PDE4DIP: variants seen among roughly 807,000 people sequenced by gnomAD.
PDE4DIP encodes the protein phosphodiesterase 4D interacting protein, also known as myomegalin.
In PDE4DIP, 59 loss-of-function variants were observed where a neutral mutation model predicts 221.4. The ratio of observed to expected loss-of-function variants is 0.27; its 90% confidence interval spans 0.22 to 0.33. The LOEUF is 0.33. PDE4DIP is among the 10% of genes least tolerant of loss of function. PDE4DIP has a pLI of 1.00. For synonymous variants in PDE4DIP, 404 were observed against 815.9 expected (o/e 0.50, Z 8.60); for missense variants, 1,036 against 2,154.2 (o/e 0.48, Z 10.28).
chr1:149,001,715 G>T, exon 24 of PDE4DIP: 1 of 1,507,020 alleles, frequency 6.6e-7, no homozygotes, highest in Non-Finnish European at 9.2e-7. Context: ...TGAGACTGTG[G>T]TAACCAAAGA....
exon 32 of PDE4DIP, chr1:149,012,753 T>A (rs1553606680): frequency 6.2e-7 from 1 of 1,609,666 alleles, no homozygotes; most frequent in African/African-American, 1.3e-5. Context: ...GAGCTACAGA[T>A]GCTGCAGAAG....
chr1:149,001,665 G>A lies in PDE4DIP; in HGVS notation c.3212G>A (p.Trp1071Ter). Reference sequence around the variant, plus strand: ...ATGGGAGAAGCAATGTCTGATGGATGGGAGATCGAGGAAGACAAGGAGAAG... The same window carrying A: ...ATGGGAGAAGCAATGTCTGATGGATAGGAGATCGAGGAAGACAAGGAGAAG... The change falls in exon 24 of 44, where the codon TGG becomes TAG. Residue 1071 changes from tryptophan (W) to a stop codon, truncating the protein, a stop_gained. Coordinates refer to ENST00000369354, the Ensembl canonical transcript of PDE4DIP. LOFTEE classifies it high-confidence loss of function. 2 of 1,613,658 alleles carry A rather than the reference G, an allele frequency of 1.2e-6. No individual in the cohort carries two copies. The highest frequency in any genetic ancestry group is 2.2e-5 in the East Asian group (1 of 44,860).
chr1:149,032,120 A>G, exon 44 of PDE4DIP: 1 of 1,558,394 alleles, frequency 6.4e-7, no homozygotes, highest in Admixed American at 1.8e-5. Flanking sequence ...CTCCAAGTCC[A>G]CGGGAGGGTC....
Position 148,978,429 on chromosome 1 carries a change from A to C in PDE4DIP, c.2574+14A>C. On this transcript the variant is annotated intron_variant, in intron 19 of 43. Coordinates refer to ENST00000369354, the Ensembl canonical transcript of PDE4DIP. ...CGAAGACAACAGGTAAGTTACTGGA[A>C]TATAAACCTTATTTATTTATTTACA... is the stretch of plus-strand genomic sequence containing the variant. The C allele has an allele frequency of 2.6e-6, 4 of 1,512,186 alleles. No homozygotes were observed. Among genetic ancestry groups the C allele is most frequent in the Non-Finnish European group, 3.6e-6 (4 of 1,116,652 alleles). The allele number at this position is 1,512,186 out of a possible 1,614,324, so 93.7% of individuals were successfully genotyped here.
intron 8 of PDE4DIP, 25 bp downstream of exon 11, chr1:148,962,313 G>A: frequency 6.5e-7 from 1 of 1,548,140 alleles, no homozygotes. Context: ...CGTAGGACAG[G>A]AGAGACTTCA....
At chr1:148,971,057 C>T (rs1295472779) in intron 14 of PDE4DIP, among the ~76,000 whole-genome samples, 1 of 152,000 alleles carries the variant, frequency 6.6e-6, no homozygotes, top group Admixed American at 6.6e-5. Flanking sequence ...TGTTTAAATG[C>T]AGACTTCCTG....
chr1:149,025,925 G>A (rs1318529012), intron 38 of PDE4DIP: 1 of 152,252 alleles, frequency 6.6e-6, no homozygotes, highest in Non-Finnish European at 1.5e-5. Context: ...GCTTACATTA[G>A]TTGGACACCT....
At chr1:148,918,568 C>G (rs1553460025) in intron 1 of PDE4DIP, among the ~76,000 whole-genome samples, 3 of 132,600 alleles carry the variant, frequency 2.3e-5, no homozygotes. Context: ...CTCAGCTACT[C>G]TGTCCTCTGC....
intron 14 of PDE4DIP, among the ~76,000 whole-genome samples, chr1:148,969,871 A>T (rs2058879395): frequency 6.6e-6 from 1 of 151,820 alleles, no homozygotes; most frequent in Non-Finnish European, 1.5e-5. Flanking sequence ...CATGCCCGCT[A>T]AGTTTTGTAT....
At chr1:148,865,059 T>C (rs1163200040) in intron 2 of PDE4DIP, among the ~76,000 whole-genome samples, 1 of 139,034 alleles carries the variant, frequency 7.2e-6, no homozygotes, top group Non-Finnish European at 1.5e-5. Flanking sequence ...CACCTAAATG[T>C]GGAAGAAATC....
chr1:148,931,768 G>A (rs1377244470), intron 2 of PDE4DIP, 32 bp from the exon 6 acceptor site: 1 of 1,502,140 alleles, frequency 6.7e-7, no homozygotes, highest in Non-Finnish European at 9.2e-7. Context: ...CTGTATGTCT[G>A]GCTCTGATTG....
In PDE4DIP at chr1:148,963,360, G is replaced by A. The variant is rs138611515; in HGVS notation, c.1194+720G>A. On this transcript the variant is annotated intron_variant, in intron 9 of 43. Coordinates refer to ENST00000369354, the Ensembl canonical transcript of PDE4DIP. Reference sequence around the variant, plus strand: ...CCCCTGTGGGTAAGGGGCGACTGCCGTATTGAGTTGTACCCTGGAAATACA... The same window carrying A: ...CCCCTGTGGGTAAGGGGCGACTGCCATATTGAGTTGTACCCTGGAAATACA... Among the ~76,000 whole-genome samples, 24 of 152,300 alleles carry A rather than the reference G, an allele frequency of 1.6e-4. No individual in the cohort carries two copies. In the East Asian group the frequency reaches 2.7e-3, roughly 17 times the overall value.
At position 148,973,226 on chromosome 1, in the gene PDE4DIP, C is replaced by G. The variant is rs1268703452; in HGVS notation, c.2227+634C>G. The stretch of plus-strand genomic sequence containing the variant: ...TCGCTCTGTCACCCAGGTGGGAGTG[C>G]AGTGGCACGATCTCTCTGCTCACCT... On this transcript the variant is annotated intron_variant, in intron 16 of 43. Transcript: ENST00000369354. Among the ~76,000 whole-genome samples, 3 of 151,320 alleles carry G rather than the reference C, an allele frequency of 2.0e-5. No homozygotes were observed. In the Middle Eastern group the frequency reaches 0.01, roughly 515 times the overall value.
intron 19 of PDE4DIP, 113 bp downstream of exon 22, chr1:148,978,528 C>T (rs2060576705): frequency 4.4e-6 from 3 of 682,720 alleles, no homozygotes; most frequent in Non-Finnish European, 7.3e-6. Flanking sequence ...TCTTGAACTC[C>T]TGACTGCAAG....
chr1:149,010,388 G>A, intron 30 of PDE4DIP, 55 bp from the exon 34 acceptor site: 3 of 1,558,238 alleles, frequency 1.9e-6, no homozygotes, highest in Non-Finnish European at 2.6e-6. Flanking sequence ...ATAAGGCCAG[G>A]ATTCCAGTTC....
rs782628342 is a variant in PDE4DIP, at chr1:148,969,003, T to A, written c.1953T>A (p.Ser651=). ...TGGAGATTCAAGGCCTGCTTCAGTC[T>A]GTGAGCACCAGGGAGCAGGAAAGCC... The change falls in exon 14 of 44, where the codon TCT becomes TCA. Residue 651 remains serine (S), a synonymous_variant. Transcript: ENST00000369354. 48 of 1,609,190 alleles carry A rather than the reference T, an allele frequency of 3.0e-5. No individual in the cohort carries two copies. In the East Asian group the frequency reaches 1.0e-3, roughly 34 times the overall value.
chr1:149,023,159 C>T (rs1314864405), intron 37 of PDE4DIP, among the ~76,000 whole-genome samples: 3 of 151,962 alleles, frequency 2.0e-5, no homozygotes, highest in Non-Finnish European at 2.9e-5. Context: ...GCTCCATAAT[C>T]TCTTATCTGT....
chr1:149,007,271 A>C, exon 28 of PDE4DIP: 1 of 1,595,954 alleles, frequency 6.3e-7, no homozygotes, highest in African/African-American at 1.4e-5. Context: ...ACGAGAAGGG[A>C]GAGGTATTTG....
chr1:148,913,381 TG>T (rs2043128996), intron 1 of PDE4DIP, among the ~76,000 whole-genome samples: 1 of 106,164 alleles, frequency 9.4e-6, no homozygotes, highest in Non-Finnish European at 2.1e-5. Context: ...CTGTGGCTGA[TG>T]CAGCATAATC....
Sources: gnomAD v4.1 joint callset for allele counts (sites outside exome capture counted in the v4.1 genomes callset) on GRCh38, gnomAD v4.1.1 for gene constraint, MANE v1.5 for transcripts, NCBI Gene and HGNC (gene_info 2026-07-23, HGNC 2026-07-21) for gene names.